Variants in SLC25A33 observed in about 807,000 individuals in gnomAD.
SLC25A33 encodes bone marrow stromal cell mitochondrial carrier protein.
Under a neutral mutation model 35.5 loss-of-function variants are expected in SLC25A33, and 15 were observed. That is an observed-to-expected ratio of 0.42 (90% CI 0.28 to 0.65). The LOEUF is 0.65. SLC25A33 is among the 30% of genes least tolerant of loss of function. The pLI, the probability that SLC25A33 is intolerant of heterozygous loss-of-function variation, is 0.20. For missense variants in SLC25A33, 257 were observed against 398.5 expected, an observed-to-expected ratio of 0.64 and a Z score of 3.02; for synonymous variants, 136 against 148.7, an observed-to-expected ratio of 0.91 and a Z score of 0.62.
At chr1:9,575,615 GA>G (rs997834670) in intron 5 of SLC25A33, among the ~76,000 whole-genome samples, 2 of 148,998 alleles carry the variant, frequency 1.3e-5, no homozygotes, top group African/African-American at 2.5e-5. Flanking sequence ...ACTCTGTCTG[GA>G]AAAAAAAACG....
chr1:9,565,107 T>TA, intron 2 of SLC25A33, among the ~76,000 whole-genome samples: 1 of 152,156 alleles, frequency 6.6e-6, no homozygotes, highest in East Asian at 1.9e-4. Context: ...GAGGGAGGGC[T>TA]AGGGAGCTGG....
At chr1:9,560,490 G>A (rs1346316843) in intron 2 of SLC25A33, among the ~76,000 whole-genome samples, 1 of 152,056 alleles carries the variant, frequency 6.6e-6, no homozygotes, top group Non-Finnish European at 1.5e-5. Flanking sequence ...CATGAACCCC[G>A]GAGGCGGAGG....
chr1:9,567,302 G>A lies in SLC25A33; in HGVS notation c.255G>A (p.Glu85=), dbSNP rs1643522387. The part of the protein sequence containing the change: ...FQVLKSILEK[E]GPKSLFRGLG... The stretch of plus-strand genomic sequence containing the variant: ...TATTCAGGTCGATCTTGGAGAAAGA[G>A]GGACCAAAGTCACTTTTTAGAGGCT... The change falls in exon 3 of 7, where the codon GAG becomes GAA. Residue 85 remains glutamate, a synonymous_variant. Coordinates refer to ENST00000302692, the MANE Select transcript of SLC25A33 (RefSeq NM_032315.3). 1 of 1,613,824 alleles carries A rather than the reference G, an allele frequency of 6.2e-7. No homozygotes were observed. Among genetic ancestry groups the A allele is most frequent in the South Asian group, 1.1e-5 (1 of 90,994 alleles).
chr1:9,575,960 G>A (rs941003516), intron 5 of SLC25A33, among the ~76,000 whole-genome samples: 16 of 152,130 alleles, frequency 1.1e-4, no homozygotes, highest in African/African-American at 3.6e-4. Context: ...TCCCCTTCCT[G>A]GTCATGCTGT....
At chr1:9,552,077 G>A (rs553599678) in intron 1 of SLC25A33, among the ~76,000 whole-genome samples, 3 of 152,150 alleles carry the variant, frequency 2.0e-5, no homozygotes, top group South Asian at 2.1e-4. Context: ...GTAATATCTC[G>A]ATATGAATAT....
At chr1:9,576,293 G>A (rs771565203) in intron 5 of SLC25A33, 10 of 240,668 alleles carry the variant, frequency 4.2e-5, no homozygotes, top group Non-Finnish European at 6.5e-5. Flanking sequence ...TGCTGAGGGT[G>A]CCACTAGACC....
chr1:9,541,345 T>C (rs991516317), intron 1 of SLC25A33, among the ~76,000 whole-genome samples: 4 of 152,124 alleles, frequency 2.6e-5, no homozygotes, highest in African/African-American at 9.7e-5. Flanking sequence ...GAGACGGGGT[T>C]TCACCGTGTT....
In SLC25A33 at chr1:9,583,417, C is replaced by T. The variant is rs942619401; in HGVS notation, c.*916C>T. On this transcript the variant is annotated 3_prime_UTR_variant, in exon 7 of 7. Transcript: ENST00000302692. ...AACTTCCTGAAGTTATCCTTTTCTC[C>T]CTACTTTGAACCAAAGGCAAGAATT... 3 of 152,102 alleles carry T rather than the reference C, an allele frequency of 2.0e-5. No homozygotes were observed. Among genetic ancestry groups the T allele is most frequent in the African/African-American group, 4.8e-5 (2 of 41,392 alleles). The allele number at this position is 152,102 out of a possible 1,614,324, so 9.4% of individuals were successfully genotyped here. A position where few individuals can be genotyped will look rare whatever the true frequency, so the allele number is the denominator to read the frequency against.
intron 2 of SLC25A33, among the ~76,000 whole-genome samples, chr1:9,555,110 C>CTTTT (rs1172100444): frequency 4.8e-4 from 44 of 91,190 alleles, no homozygotes; most frequent in East Asian, 7.5e-4. Context: ...GCATTTAGCA[C>CTTTT]TTTTTTTTTT....
At chr1:9,579,025 T>C (rs966568680) in intron 5 of SLC25A33, among the ~76,000 whole-genome samples, 3 of 152,262 alleles carry the variant, frequency 2.0e-5, no homozygotes, top group Non-Finnish European at 2.9e-5. Context: ...GCTAGTGTTC[T>C]GTGGGCCTGT....
chr1:9,555,507 C>A (rs903081154), intron 2 of SLC25A33, among the ~76,000 whole-genome samples: 23 of 151,956 alleles, frequency 1.5e-4, no homozygotes, highest in African/African-American at 5.6e-4. Context: ...TTTGTAAAAC[C>A]CAACTATGAG....
chr1:9,539,759 G>A lies in SLC25A33; in HGVS notation c.56+12G>A. The A allele has an allele frequency of 1.5e-6, 2 of 1,375,876 alleles. No individual in the cohort carries two copies. The highest frequency in any genetic ancestry group is 1.9e-6 in the Non-Finnish European group (2 of 1,062,570). The allele number at this position is 1,375,876 out of a possible 1,614,324, so 85.2% of individuals were successfully genotyped here. On this transcript the variant is annotated intron_variant, in intron 1 of 6. Transcript: ENST00000302692. ...CTCTTCGCCGGCGGGTGAGTTCCCG[G>A]GCCCAGCCGCGCGCGCCCCACCGCC...
chr1:9,542,505 G>C (rs750963517), intron 1 of SLC25A33, among the ~76,000 whole-genome samples: 1 of 152,054 alleles, frequency 6.6e-6, no homozygotes, highest in Non-Finnish European at 1.5e-5. Flanking sequence ...CTTTCTGTTA[G>C]GGAAGAACAT....
intron 3 of SLC25A33, among the ~76,000 whole-genome samples, chr1:9,569,728 G>C (rs1057464810): frequency 6.6e-6 from 1 of 152,154 alleles, no homozygotes; most frequent in African/African-American, 2.4e-5. Context: ...AAAGTGAAGA[G>C]AAAACAAGGG....
intron 2 of SLC25A33, among the ~76,000 whole-genome samples, chr1:9,565,375 G>A (rs1387018427): frequency 6.6e-6 from 1 of 151,940 alleles, no homozygotes; most frequent in Non-Finnish European, 1.5e-5. Flanking sequence ...AATTAGCTGG[G>A]CGTGGTGGTG....
intron 1 of SLC25A33, among the ~76,000 whole-genome samples, chr1:9,551,309 G>T (rs1435972938): frequency 6.6e-6 from 1 of 152,098 alleles, no homozygotes; most frequent in Non-Finnish European, 1.5e-5. Flanking sequence ...GGAGGCAGAG[G>T]TTGCAGTGAA....
intron 2 of SLC25A33, among the ~76,000 whole-genome samples, chr1:9,566,043 GT>G (rs1420645240): frequency 6.6e-6 from 1 of 150,530 alleles, no homozygotes; most frequent in Admixed American, 6.6e-5. Context: ...CTTTTTTTTT[GT>G]TTTTAATTTT....
chr1:9,575,228 A>AT (rs1045431638), intron 5 of SLC25A33, among the ~76,000 whole-genome samples: 2 of 151,004 alleles, frequency 1.3e-5, no homozygotes, highest in South Asian at 2.1e-4. Flanking sequence ...AAAAAAAAAA[A>AT]AAAAAAATAA....
chr1:9,573,664 C>T lies in SLC25A33; in HGVS notation c.482+252C>T, dbSNP rs547227082. On this transcript the variant is annotated intron_variant, in intron 5 of 6. Coordinates refer to ENST00000302692, the MANE Select transcript of SLC25A33 (RefSeq NM_032315.3). The stretch of plus-strand genomic sequence containing the variant: ...GGTTGTGTCCCCTGATCCGCAGTCC[C>T]ACCTGTTGTCTCAGAGAGTCAGTGA... 1.8e-3 allele frequency among the ~76,000 whole-genome samples: 267 copies of T among 152,234 alleles called. 2 individuals carry two copies. The highest frequency in any genetic ancestry group is 0.01 in the Middle Eastern group (3 of 294).
Sources: allele counts gnomAD v4.1 joint callset (sites outside exome capture counted in the v4.1 genomes callset), GRCh38; gene constraint gnomAD v4.1.1; transcripts MANE v1.5; gene names NCBI Gene and HGNC (gene_info 2026-07-23, HGNC 2026-07-21).